SPATA17: variants seen among roughly 807,000 people sequenced by gnomAD.
The protein encoded by SPATA17 is spermatogenesis associated 17, also known as spermatogenesis-associated protein 17.
A neutral mutation model predicts 62.2 loss-of-function variants in SPATA17; 53 were observed. That is an observed-to-expected ratio of 0.85 (90% confidence interval 0.68 to 1.07). The LOEUF is 1.07. Among genes scored for constraint, SPATA17 ranks in the 50% least tolerant of loss-of-function variants. The probability of loss-of-function intolerance (pLI) is 0.00; values close to 1 mark genes in which losing one functional copy is unlikely to be tolerated. For synonymous variants in SPATA17, 146 were observed against 146.8 expected, an observed-to-expected ratio of 0.99 and a Z score of 0.04; for missense variants, 466 against 425.5, an observed-to-expected ratio of 1.10 and a Z score of -0.84.
At chr1:217,726,478 AC>A (rs766223342) in intron 5 of SPATA17, among the ~76,000 whole-genome samples, 12 of 152,122 alleles carry the variant, frequency 7.9e-5, no homozygotes, top group Non-Finnish European at 1.5e-4. Flanking sequence ...GTCTTTATAA[AC>A]CCTCTTGGCT....
intron 5 of SPATA17, among the ~76,000 whole-genome samples, chr1:217,727,052 A>C (rs1421238087): frequency 1.3e-5 from 2 of 151,860 alleles, no homozygotes; most frequent in East Asian, 3.9e-4. Context: ...GTTAGAGACC[A>C]ACCTGACCAA....
chr1:217,773,827 A>G (rs1001318034), intron 6 of SPATA17, among the ~76,000 whole-genome samples: 7 of 151,932 alleles, frequency 4.6e-5, no homozygotes, highest in African/African-American at 1.7e-4. Context: ...TTAAAGTACA[A>G]AAGTCAAGAT....
chr1:217,709,997 A>T (rs1156384387), intron 5 of SPATA17, among the ~76,000 whole-genome samples: 1 of 152,230 alleles, frequency 6.6e-6, no homozygotes, highest in African/African-American at 2.4e-5. Flanking sequence ...CATTTAAAGA[A>T]GAAAAGTAGC....
intron 6 of SPATA17, among the ~76,000 whole-genome samples, chr1:217,760,874 A>G (rs1673157714): frequency 6.6e-6 from 1 of 152,186 alleles, no homozygotes; most frequent in African/African-American, 2.4e-5. Flanking sequence ...CTAGGTATCC[A>G]GAGGAAAAGA....
chr1:217,843,322 A>C (rs1675452313), intron 9 of SPATA17, among the ~76,000 whole-genome samples: 1 of 151,986 alleles, frequency 6.6e-6, no homozygotes. Context: ...GAAACACTAA[A>C]ATGAATCATT....
intron 6 of SPATA17, among the ~76,000 whole-genome samples, chr1:217,753,830 G>A (rs1215805272): frequency 2.0e-5 from 3 of 152,082 alleles, no homozygotes; most frequent in Non-Finnish European, 2.9e-5. Context: ...AGTGTAAAAT[G>A]TTCCTCCACT....
intron 5 of SPATA17, among the ~76,000 whole-genome samples, chr1:217,708,897 T>C (rs1466866713): frequency 1.3e-5 from 2 of 152,040 alleles, no homozygotes; most frequent in Non-Finnish European, 2.9e-5. Flanking sequence ...TCAATAAATG[T>C]GATTCATTAC....
In SPATA17 at chr1:217,770,978, ATTTTTTTTTTTTT is replaced by A. The variant is rs374042087; in HGVS notation, c.520-3338_520-3326del. 1.2e-3 allele frequency among the ~76,000 whole-genome samples: 61 copies of A among 50,148 alleles called. 2 individuals are homozygous for A. The highest frequency in any genetic ancestry group is 3.5e-3 in the African/African-American group (41 of 11,554). The allele number at this position is 50,148 out of a possible 152,430, so 32.9% of individuals were successfully genotyped here. On this transcript the variant is annotated intron_variant, in intron 6 of 10. Coordinates refer to ENST00000366933, the MANE Select transcript of SPATA17 (RefSeq NM_138796.4). Reference sequence around the variant, plus strand: ...ATGTATCTATTATATAACTCATTGCATTTTTTTTTTTTTTTTTTTTTTTTTTTTTTGCCTTTTG... The same window carrying A: ...ATGTATCTATTATATAACTCATTGCATTTTTTTTTTTTTTTTTGCCTTTTG...
At chr1:217,787,926 T>C (rs1226122181) in intron 8 of SPATA17, among the ~76,000 whole-genome samples, 1 of 152,204 alleles carries the variant, frequency 6.6e-6, no homozygotes, top group Non-Finnish European at 1.5e-5. Flanking sequence ...ATTTTAGGCT[T>C]TAAAATTTCA....
At chr1:217,659,187 AACACACAC>A (rs10546517) in intron 3 of SPATA17, among the ~76,000 whole-genome samples, 85 of 144,612 alleles carry the variant, frequency 5.9e-4, no homozygotes, top group East Asian at 3.9e-3. Flanking sequence ...TGCCCATCAA[AACACACAC>A]ACACACACAC....
chr1:217,795,733 C>A (rs1674120035), intron 8 of SPATA17, among the ~76,000 whole-genome samples: 2 of 152,022 alleles, frequency 1.3e-5, no homozygotes, highest in Non-Finnish European at 2.9e-5. Context: ...TCATCTCATC[C>A]CCAGACCATA....
rs1301379903 is a variant in SPATA17 at position 217,868,118 on chromosome 1, A to C, written c.*1099A>C. On this transcript the variant is annotated 3_prime_UTR_variant, in exon 11 of 11. Coordinates refer to ENST00000366933, the MANE Select transcript of SPATA17 (RefSeq NM_138796.4). Reference sequence around the variant, plus strand: ...CAGTTTTGAGCTCCTGATTTAAATAAACAAATTGTAAAATAAAAGATCTTT... The same window carrying C: ...CAGTTTTGAGCTCCTGATTTAAATACACAAATTGTAAAATAAAAGATCTTT... The C allele has an allele frequency of 6.6e-6, 1 of 152,222 alleles. No individual in the cohort carries two copies. The highest frequency in any genetic ancestry group is 1.5e-5 in the Non-Finnish European group (1 of 68,040). 9.4% of individuals were successfully genotyped at this position (152,222 alleles called of 1,614,324 possible).
intron 5 of SPATA17, among the ~76,000 whole-genome samples, chr1:217,700,444 T>C (rs1157873630): frequency 8.5e-5 from 13 of 152,192 alleles, no homozygotes; most frequent in Non-Finnish European, 1.9e-4. Flanking sequence ...CTGATAGATA[T>C]CTTATTTTCT....
chr1:217,631,486 G>T (rs752357486), intron 1 of SPATA17, 40 bp downstream of exon 1: 24 of 1,602,564 alleles, frequency 1.5e-5, no homozygotes, highest in Non-Finnish European at 1.9e-5. Context: ...GGGCGGGCGT[G>T]ACTTTATACC....
intron 9 of SPATA17, among the ~76,000 whole-genome samples, chr1:217,814,621 G>C (rs935763951): frequency 6.6e-6 from 1 of 152,106 alleles, no homozygotes; most frequent in Admixed American, 6.6e-5. Context: ...GCTGAGGCAG[G>C]AGGATGTCTT....
At chr1:217,736,021 A>G (rs552373154) in intron 5 of SPATA17, among the ~76,000 whole-genome samples, 1 of 151,948 alleles carries the variant, frequency 6.6e-6, no homozygotes, top group South Asian at 2.1e-4. Context: ...AATTTTGAGC[A>G]GAGTGCTCTT....
At chr1:217,801,456 ATC>A (rs1367296934) in intron 8 of SPATA17, among the ~76,000 whole-genome samples, 2 of 152,176 alleles carry the variant, frequency 1.3e-5, no homozygotes, top group African/African-American at 4.8e-5. Flanking sequence ...ATTTAACATT[ATC>A]TCTATATATA....
chr1:217,818,634 G>A (rs1674780583), intron 9 of SPATA17, among the ~76,000 whole-genome samples: 1 of 151,916 alleles, frequency 6.6e-6, no homozygotes, highest in Non-Finnish European at 1.5e-5. Flanking sequence ...ATATGTGTTA[G>A]TTTGATGGCT....
At chr1:217,777,616 G>A (rs543832989) in intron 7 of SPATA17, among the ~76,000 whole-genome samples, 5 of 152,174 alleles carry the variant, frequency 3.3e-5, no homozygotes, top group South Asian at 2.1e-4. Flanking sequence ...TGGCCAGGCC[G>A]GTCTCCAACT....
Sources: allele counts gnomAD v4.1 joint callset (sites outside exome capture counted in the v4.1 genomes callset), GRCh38; gene constraint gnomAD v4.1.1; transcripts MANE v1.5; gene names NCBI Gene and HGNC (gene_info 2026-07-23, HGNC 2026-07-21).